PPEF2: variants seen among roughly 807,000 people sequenced by gnomAD.
The protein encoded by PPEF2 is serine/threonine-protein phosphatase with EF-hands 2.
Under a neutral mutation model 84.7 loss-of-function variants are expected in PPEF2, and 84 were observed. The ratio of observed to expected loss-of-function variants is 0.99; its 90% confidence interval spans 0.83 to 1.19. The LOEUF (loss-of-function observed/expected upper bound fraction) is 1.19. Among genes scored for constraint, PPEF2 ranks in the 50% most tolerant of loss-of-function variants. PPEF2 has a pLI of 0.00. For missense variants in PPEF2, 924 were observed against 937.5 expected, an observed-to-expected ratio of 0.99 and a Z score of 0.19; for synonymous variants, 346 against 345.2, an observed-to-expected ratio of 1.00 and a Z score of -0.03.
At position 75,864,441 on chromosome 4, in the gene PPEF2, T is replaced by G. The variant is rs78305413; in HGVS notation, c.2007A>C (p.Ser669=). The G allele has an allele frequency of 4.7e-3, 7,580 of 1,596,662 alleles. 290 individuals carry two copies. In the African/African-American group the frequency reaches 0.085, roughly 18 times the overall value. ...TIFRIIDSDH[S]GFISLDEFRQ... ...TGATAGAATAATGAGTGCCTTTACC[T>G]GAATGATCACTGTCTATGATCCTAA... Residue 669 remains serine (S), a splice_region_variant and synonymous_variant, in exon 16 of 17, where the codon TCA becomes TCC. Transcript: ENST00000286719.
In PPEF2 at chr4:75,883,266, C is replaced by T. The variant is rs1219384391; in HGVS notation, c.747-64G>A. ...GGTGACAATAATCAGGGCATAATCA[C>T]ATTTTTAGAAGAATGCATATTCTGG... On this transcript the variant is annotated intron_variant, in intron 8 of 16. Coordinates refer to ENST00000286719, the MANE Select transcript of PPEF2 (RefSeq NM_006239.3). 8 of 1,464,322 alleles carry T rather than the reference C, an allele frequency of 5.5e-6. No homozygotes were observed. The African/African-American group carries it at 8.4e-5, about 15-fold the overall frequency. The allele number at this position is 1,464,322 out of a possible 1,614,324, so 90.7% of individuals were successfully genotyped here.
At chr4:75,869,580 C>T (rs1455128590) in intron 13 of PPEF2, among the ~76,000 whole-genome samples, 1 of 152,176 alleles carries the variant, frequency 6.6e-6, no homozygotes, top group South Asian at 2.1e-4. Flanking sequence ...GGCATGGTGG[C>T]TCGCACCTGT....
Position 75,860,833 on chromosome 4 carries a change from T to TC in PPEF2, c.2095dup (p.Asp699GlyfsTer7), listed in dbSNP as rs774815122. On this transcript the variant is annotated frameshift_variant, in exon 17 of 17. Coordinates refer to ENST00000286719, the MANE Select transcript of PPEF2 (RefSeq NM_006239.3). LOFTEE classifies it low-confidence loss of function (END_TRUNC). Reference sequence around the variant, plus strand: ...GTTGAAATCAATGCTCCGAGCAAGGTCACAGATGCAGTCATCTGTAATGTC... The same window carrying TC: ...GTTGAAATCAATGCTCCGAGCAAGGTCCACAGATGCAGTCATCTGTAATGTC... The TC allele has an allele frequency of 4.3e-6, 7 of 1,614,250 alleles. No individual in the cohort carries two copies. Among genetic ancestry groups the TC allele is most frequent in the Non-Finnish European group, 5.1e-6 (6 of 1,180,038 alleles).
chr4:75,889,484 C>T (rs1578013922), intron 5 of PPEF2, among the ~76,000 whole-genome samples: 1 of 152,318 alleles, frequency 6.6e-6, no homozygotes, highest in Middle Eastern at 3.4e-3. Flanking sequence ...ATCACCTTCC[C>T]AGACAACTCT....
rs112682717 is a variant in PPEF2 at position 75,890,117 on chromosome 4, C to T, written c.257G>A (p.Arg86His). 250 of 1,613,804 alleles carry T rather than the reference C, an allele frequency of 1.5e-4. 1 individual carries two copies. In the African/African-American group the frequency reaches 2.2e-3, roughly 14 times the overall value. ...GGCGAATCTGTCCTCAGTGAATATGCGGGTCAGGAAGTCCCCTAGTCCAGA... is the reference window on the plus strand; with the variant it reads ...GGCGAATCTGTCCTCAGTGAATATGTGGGTCAGGAAGTCCCCTAGTCCAGA... ...SSHNDRDFLT[R>H]IFTEDRFAQD... The change falls in exon 5 of 17, where the codon CGC becomes CAC. Residue 86 changes from arginine (R) to histidine (H), a missense_variant. Transcript: ENST00000286719.
At chr4:75,867,544 G>A in intron 13 of PPEF2, 125 bp from the exon 14 acceptor site, 1 of 647,374 alleles carries the variant, frequency 1.5e-6, no homozygotes, top group South Asian at 2.0e-5. Flanking sequence ...GTTTTCGAGG[G>A]AGAGCGCCTT....
intron 13 of PPEF2, among the ~76,000 whole-genome samples, chr4:75,870,722 T>C (rs1724248129): frequency 6.6e-6 from 1 of 152,134 alleles, no homozygotes; most frequent in South Asian, 2.1e-4. Context: ...GGTCAGATGA[T>C]TTAACATCGG....
At chr4:75,873,725 A>G (rs1216525701) in intron 11 of PPEF2, among the ~76,000 whole-genome samples, 1 of 152,164 alleles carries the variant, frequency 6.6e-6, no homozygotes, top group Non-Finnish European at 1.5e-5. Context: ...TCTCTTGCAT[A>G]TTCACAAGAC....
intron 8 of PPEF2, among the ~76,000 whole-genome samples, 197 bp downstream of exon 8, chr4:75,884,397 G>A (rs145098393): frequency 3.4e-5 from 5 of 148,842 alleles, no homozygotes; most frequent in African/African-American, 1.2e-4. Flanking sequence ...CTGCACTCTA[G>A]CCTAGGCGAC....
At chr4:75,874,540 C>T (rs1173290855) in intron 11 of PPEF2, among the ~76,000 whole-genome samples, 2 of 152,078 alleles carry the variant, frequency 1.3e-5, no homozygotes, top group Admixed American at 1.3e-4. Context: ...CTCAGATGAT[C>T]CTCCCACCTC....
intron 11 of PPEF2, 32 bp downstream of exon 11, chr4:75,876,255 C>A (rs199735796): frequency 4.5e-6 from 7 of 1,551,336 alleles, no homozygotes; most frequent in Non-Finnish European, 6.1e-6. Context: ...TTGGCAGCCA[C>A]ATGCTAGGAA....
intron 1 of PPEF2, among the ~76,000 whole-genome samples, chr4:75,898,648 C>T (rs1006601493): frequency 8.5e-5 from 13 of 152,102 alleles, no homozygotes; most frequent in African/African-American, 3.1e-4. Flanking sequence ...CATTTTATCC[C>T]CAGGATTTAG....
intron 16 of PPEF2, among the ~76,000 whole-genome samples, chr4:75,861,770 C>T (rs1444083057): frequency 1.1e-4 from 15 of 141,838 alleles, no homozygotes; most frequent in Admixed American, 3.7e-4. Flanking sequence ...CCACCACTCC[C>T]GGCTAATTTT....
At chr4:75,893,881 C>G (rs918755567) in intron 2 of PPEF2, among the ~76,000 whole-genome samples, 1 of 117,562 alleles carries the variant, frequency 8.5e-6, no homozygotes, top group Non-Finnish European at 1.9e-5. Flanking sequence ...TTCTTCCTCC[C>G]GGTTGACTAT....
At position 75,860,492 on chromosome 4, in the gene PPEF2, A is replaced by G. The variant is rs1030609400; in HGVS notation, c.*175T>C. 38 of 773,186 alleles carry G rather than the reference A, an allele frequency of 4.9e-5. No homozygotes were observed. The highest frequency in any genetic ancestry group is 6.9e-5 in the Non-Finnish European group (34 of 494,016). 47.9% of individuals were successfully genotyped at this position (773,186 alleles called of 1,614,324 possible). A position where few individuals can be genotyped will look rare whatever the true frequency, so the allele number is the denominator to read the frequency against. ...TGGGGCACTCATATACTTAAAACAC[A>G]TACATACACAACACCCCAACCCACC... is the stretch of plus-strand genomic sequence containing the variant. On this transcript the variant is annotated 3_prime_UTR_variant, in exon 17 of 17. Transcript: ENST00000286719.
intron 10 of PPEF2, among the ~76,000 whole-genome samples, chr4:75,878,229 G>T (rs1314298059): frequency 6.6e-6 from 1 of 152,168 alleles, no homozygotes; most frequent in African/African-American, 2.4e-5. Context: ...CTCACTTGCG[G>T]TCATCATGGC....
chr4:75,870,053 G>A lies in PPEF2; in HGVS notation c.1649+1972C>T, dbSNP rs547164344. On this transcript the variant is annotated intron_variant, in intron 13 of 16. Transcript: ENST00000286719. ...GTACTTATTTAATGCAATCAATGAA[G>A]GTTTCAAAGAGTTGAATGCTTTTTG... is the stretch of plus-strand genomic sequence containing the variant. 6.6e-5 allele frequency among the ~76,000 whole-genome samples: 10 copies of A among 152,202 alleles called. No homozygotes were observed. In the South Asian group the frequency reaches 1.9e-3, roughly 28 times the overall value.
chr4:75,879,177 G>T (rs1300895202), intron 10 of PPEF2, among the ~76,000 whole-genome samples: 1 of 152,188 alleles, frequency 6.6e-6, no homozygotes, highest in African/African-American at 2.4e-5. Flanking sequence ...CACTGCTAGG[G>T]TCACCTGCAG....
At chr4:75,878,653 T>C (rs971380133) in intron 10 of PPEF2, among the ~76,000 whole-genome samples, 2 of 152,148 alleles carry the variant, frequency 1.3e-5, no homozygotes, top group Non-Finnish European at 2.9e-5. Flanking sequence ...TTCTAGGCAG[T>C]TCCAATCTTG....
Sources: allele counts gnomAD v4.1 joint callset (sites outside exome capture counted in the v4.1 genomes callset), GRCh38; gene constraint gnomAD v4.1.1; transcripts MANE v1.5; gene names NCBI Gene and HGNC (gene_info 2026-07-23, HGNC 2026-07-21).